Variants in TTC29 observed in about 807,000 individuals in gnomAD.
The protein encoded by TTC29 is tetratricopeptide repeat protein 29.
A neutral mutation model predicts 58.1 loss-of-function variants in TTC29; 49 were observed. The ratio of observed to expected loss-of-function variants is 0.84; its 90% CI spans 0.67 to 1.07. The LOEUF (loss-of-function observed/expected upper bound fraction) is 1.07, where lower values mean the gene tolerates loss of function less well. TTC29 is among the 50% of genes least tolerant of loss of function. The probability of loss-of-function intolerance (pLI) is 0.00; values close to 1 mark genes in which losing one functional copy is unlikely to be tolerated. For synonymous variants in TTC29, 209 were observed against 196.8 expected, an observed-to-expected ratio of 1.06 and a Z score of -0.52; for missense variants, 582 against 555.6, an observed-to-expected ratio of 1.05 and a Z score of -0.48.
intron 11 of TTC29, among the ~76,000 whole-genome samples, chr4:146,740,782 T>C (rs912870111): frequency 6.6e-6 from 1 of 152,152 alleles, no homozygotes; most frequent in African/African-American, 2.4e-5. Flanking sequence ...CTGAGTGCAG[T>C]GTGGTGGCTT....
intron 4 of TTC29, among the ~76,000 whole-genome samples, chr4:146,929,226 T>C (rs1735143575): frequency 6.6e-6 from 1 of 152,168 alleles, no homozygotes; most frequent in Admixed American, 6.5e-5. Context: ...AAATATATTA[T>C]TCATTTCCCT....
At chr4:146,921,841 C>T (rs962139714) in intron 4 of TTC29, among the ~76,000 whole-genome samples, 2 of 150,684 alleles carry the variant, frequency 1.3e-5, no homozygotes, top group African/African-American at 2.4e-5. Context: ...CAAACAAATA[C>T]AGAATATATA....
chr4:146,914,367 C>G (rs1734084091), intron 4 of TTC29, among the ~76,000 whole-genome samples: 1 of 152,116 alleles, frequency 6.6e-6, no homozygotes, highest in Admixed American at 6.6e-5. Context: ...TGGCCATAAA[C>G]TTTTTAGGCT....
intron 8 of TTC29, among the ~76,000 whole-genome samples, chr4:146,840,258 G>A (rs1458003318): frequency 1.3e-5 from 2 of 150,792 alleles, no homozygotes; most frequent in Non-Finnish European, 3.0e-5. Context: ...AAGCGTGGAA[G>A]AGATGAAAAA....
At chr4:146,784,885 T>G (rs1372206417) in intron 11 of TTC29, among the ~76,000 whole-genome samples, 1 of 152,186 alleles carries the variant, frequency 6.6e-6, no homozygotes, top group East Asian at 1.9e-4. Flanking sequence ...CCAAATGATA[T>G]TTCTTTAAAA....
intron 7 of TTC29, among the ~76,000 whole-genome samples, chr4:146,868,744 T>C (rs924141903): frequency 6.6e-6 from 1 of 152,068 alleles, no homozygotes; most frequent in Non-Finnish European, 1.5e-5. Context: ...CTAACCTTAG[T>C]TTTTGGTCTT....
At chr4:146,770,340 C>T (rs1747638542) in intron 11 of TTC29, among the ~76,000 whole-genome samples, 1 of 151,848 alleles carries the variant, frequency 6.6e-6, no homozygotes, top group Non-Finnish European at 1.5e-5. Flanking sequence ...TGGGTAATGT[C>T]CACACTGCCA....
At chr4:146,800,990 G>A (rs1750176408) in intron 11 of TTC29, among the ~76,000 whole-genome samples, 1 of 152,162 alleles carries the variant, frequency 6.6e-6, no homozygotes, top group Non-Finnish European at 1.5e-5. Flanking sequence ...GAGGGTTTCA[G>A]CATTTGAGAA....
chr4:146,942,737 G>T, intron 2 of TTC29: 1 of 931,944 alleles, frequency 1.1e-6, no homozygotes, highest in Non-Finnish European at 1.6e-6. Context: ...CCTCATTTGG[G>T]GCATTCCATC....
At chr4:146,829,372 C>A (rs1728015405) in intron 9 of TTC29, among the ~76,000 whole-genome samples, 1 of 152,142 alleles carries the variant, frequency 6.6e-6, no homozygotes, top group Admixed American at 6.5e-5. Context: ...TGAACCAATG[C>A]ATGAAAACTT....
At chr4:146,801,978 CAAAAAAAAAAAAAAA>C (rs57486017) in intron 11 of TTC29, among the ~76,000 whole-genome samples, 58 of 38,802 alleles carry the variant, frequency 1.5e-3, no homozygotes, top group Non-Finnish European at 2.7e-3. Context: ...GACTCTGTCT[CAAAAAAAAAAAAAAA>C]AAAAAAAAAA....
chr4:146,775,129 C>T (rs1747996076), intron 11 of TTC29, among the ~76,000 whole-genome samples: 1 of 152,072 alleles, frequency 6.6e-6, no homozygotes, highest in Non-Finnish European at 1.5e-5. Context: ...TTACTTTGAG[C>T]CTATAGGTGT....
intron 9 of TTC29, among the ~76,000 whole-genome samples, chr4:146,824,539 C>A (rs752402415): frequency 2.1e-5 from 3 of 146,146 alleles, no homozygotes; most frequent in African/African-American, 7.9e-5. Context: ...TGATGTTCAT[C>A]GGGGATATTG....
At chr4:146,945,457 C>G (rs1343540044) in intron 1 of TTC29, 2 of 152,234 alleles carry the variant, frequency 1.3e-5, no homozygotes, top group African/African-American at 4.8e-5. Flanking sequence ...AGGACTTATC[C>G]TATGCCTAGT....
chr4:146,734,650 C>T (rs1050821035), intron 11 of TTC29, among the ~76,000 whole-genome samples: 1 of 151,916 alleles, frequency 6.6e-6, no homozygotes, highest in African/African-American at 2.4e-5. Flanking sequence ...TGGGGGACAT[C>T]CAGCTGGTGT....
intron 6 of TTC29, among the ~76,000 whole-genome samples, chr4:146,887,994 G>A (rs1481789412): frequency 6.6e-6 from 1 of 152,040 alleles, no homozygotes; most frequent in Non-Finnish European, 1.5e-5. Flanking sequence ...AATATGTGCT[G>A]AGGAGACACT....
chr4:146,806,028 C>T (rs1325667126), intron 10 of TTC29, among the ~76,000 whole-genome samples: 4 of 152,266 alleles, frequency 2.6e-5, no homozygotes, highest in East Asian at 3.9e-4. Context: ...AGACTAACAG[C>T]GGATCTCTCT....
intron 11 of TTC29, among the ~76,000 whole-genome samples, chr4:146,793,518 T>A (rs561909709): frequency 1.3e-5 from 2 of 152,234 alleles, no homozygotes; most frequent in African/African-American, 4.8e-5. Context: ...CCTAACAGAC[T>A]AAAGTGCAGT....
At chr4:146,792,190 C>T (rs1749509319) in intron 11 of TTC29, among the ~76,000 whole-genome samples, 1 of 152,190 alleles carries the variant, frequency 6.6e-6, no homozygotes. Context: ...TCTAGGGCTT[C>T]CATAGCTAGA....
Sources: gnomAD v4.1 joint callset for allele counts (sites outside exome capture counted in the v4.1 genomes callset) on GRCh38, gnomAD v4.1.1 for gene constraint, MANE v1.5 for transcripts, NCBI Gene and HGNC (gene_info 2026-07-23, HGNC 2026-07-21) for gene names.